The following VPS13B variants were observed in gnomAD, a reference collection of about 807,000 sequenced individuals.
VPS13B encodes the protein intermembrane lipid transfer protein VPS13B.
VPS13B carries 285 observed loss-of-function variants against 426.4 expected under a neutral mutation model. The ratio of observed to expected loss-of-function variants is 0.67; its 90% CI spans 0.61 to 0.74. The LOEUF (loss-of-function observed/expected upper bound fraction) is 0.74, where lower values mean the gene tolerates loss of function less well. Among genes scored for constraint, VPS13B ranks in the 30% least tolerant of loss-of-function variants. The pLI, the probability that VPS13B is intolerant of heterozygous loss-of-function variation, is 0.00. For synonymous variants in VPS13B, 1,676 were observed against 1,676.4 expected, an observed-to-expected ratio of 1.00 and a Z score of 0.01; for missense variants, 4,537 against 4,782.6, an observed-to-expected ratio of 0.95 and a Z score of 1.51.
At chr8:99,847,296 A>C (rs1563505714) in intron 54 of VPS13B, among the ~76,000 whole-genome samples, 1 of 152,244 alleles carries the variant, frequency 6.6e-6, no homozygotes, top group Non-Finnish European at 1.5e-5. Context: ...AGAGATTTAC[A>C]ATCTAATAAT....
At chr8:99,552,794 A>G (rs533143929) in intron 30 of VPS13B, among the ~76,000 whole-genome samples, 18 of 152,268 alleles carry the variant, frequency 1.2e-4, no homozygotes, top group Non-Finnish European at 2.6e-4. Context: ...ACTATAGTAC[A>G]ATATCAAGAC....
chr8:99,729,698 G>C (rs1054041705), intron 39 of VPS13B, among the ~76,000 whole-genome samples: 4 of 152,136 alleles, frequency 2.6e-5, no homozygotes, highest in Non-Finnish European at 4.4e-5. Flanking sequence ...TAGCTTGATG[G>C]TGATTTCATT....
chr8:99,170,067 C>T lies in VPS13B; in HGVS notation c.2237C>T (p.Ser746Phe). Reference sequence around the variant, plus strand: ...TTTGGTTTCCAGGCAGGACTGACGTCTTTGGATTGCAGTGGATCTTACTGC... The same window carrying T: ...TTTGGTTTCCAGGCAGGACTGACGTTTTTGGATTGCAGTGGATCTTACTGC... ...KIFGFQAGLTSLDCSGSYCLP... is the reference protein window; with the variant it reads ...KIFGFQAGLTFLDCSGSYCLP... Residue 746 changes from serine (S) to phenylalanine (F), a missense_variant, in exon 16 of 62, where the codon TCT (serine) becomes TTT (phenylalanine). By Grantham distance (155) the Ser-to-Phe change is radical. Coordinates refer to ENST00000357162, the MANE Select transcript of VPS13B (RefSeq NM_152564.5). The T allele has an allele frequency of 6.2e-7, 1 of 1,612,938 alleles. No homozygotes were observed. The highest frequency in any genetic ancestry group is 1.7e-4 in the Middle Eastern group (1 of 6,058).
intron 43 of VPS13B, among the ~76,000 whole-genome samples, chr8:99,806,813 C>T (rs796519174): frequency 4.6e-5 from 7 of 152,264 alleles, no homozygotes; most frequent in African/African-American, 1.7e-4. Flanking sequence ...CCAACAAGAA[C>T]AAAACCTCTC....
At chr8:99,749,541 T>A (rs1810285677) in intron 39 of VPS13B, among the ~76,000 whole-genome samples, 1 of 152,046 alleles carries the variant, frequency 6.6e-6, no homozygotes, top group Non-Finnish European at 1.5e-5. Flanking sequence ...TGTCCTCCGG[T>A]TCCATCTATG....
chr8:99,500,206 A>C (rs985172662), intron 25 of VPS13B, among the ~76,000 whole-genome samples: 2 of 152,132 alleles, frequency 1.3e-5, no homozygotes, highest in East Asian at 1.9e-4. Context: ...TTTTGTTCTG[A>C]CAGTTAACTA....
intron 17 of VPS13B, among the ~76,000 whole-genome samples, chr8:99,206,514 G>A (rs117250643): frequency 6.6e-6 from 1 of 152,166 alleles, no homozygotes; most frequent in South Asian, 2.1e-4. Context: ...GGATCATGTC[G>A]TTCTGTATGT....
rs113985673 is a variant in VPS13B at position 99,613,768 on chromosome 8, T to C, written c.5221-28043T>C. On this transcript the variant is annotated intron_variant, in intron 33 of 61. Coordinates refer to ENST00000357162, the MANE Select transcript of VPS13B (RefSeq NM_152564.5). ...CAATATATATACTCTGAACAGACCA[T>C]TTAAAAATAGAAGAAGAAGAAGAAG... 3.9e-3 allele frequency: 592 copies of C among 152,326 alleles called. 5 individuals carry two copies. The highest frequency in any genetic ancestry group is 0.013 in the African/African-American group (526 of 41,560). The allele number at this position is 152,326 out of a possible 1,614,324, so 9.4% of individuals were successfully genotyped here.
chr8:99,541,369 T>C (rs2133726782), intron 30 of VPS13B, among the ~76,000 whole-genome samples: 1 of 152,260 alleles, frequency 6.6e-6, no homozygotes, highest in East Asian at 1.9e-4. Flanking sequence ...GGATTACACG[T>C]GCTGGACATG....
At chr8:99,528,325 A>G (rs1238522180) in intron 30 of VPS13B, among the ~76,000 whole-genome samples, 1 of 152,088 alleles carries the variant, frequency 6.6e-6, no homozygotes, top group Non-Finnish European at 1.5e-5. Context: ...CTTCCTTTGC[A>G]TGCATTCATT....
At position 99,013,775 on chromosome 8, in the gene VPS13B, C is replaced by A; in HGVS notation, c.-14C>A. ...CTCCTTTCAGCTTCCGACTTCGACT[C>A]CTTACCTTAAAAGATGCTGGAGTCA... On this transcript the variant is annotated 5_prime_UTR_variant, in exon 2 of 62. Transcript: ENST00000357162. The A allele has an allele frequency of 6.2e-7, 1 of 1,614,092 alleles. No homozygotes were observed.
intron 6 of VPS13B, among the ~76,000 whole-genome samples, chr8:99,114,042 A>G (rs1847520195): frequency 6.6e-6 from 1 of 152,040 alleles, no homozygotes; most frequent in African/African-American, 2.4e-5. Context: ...CTGTTTTTAG[A>G]AATTTACTTT....
At chr8:99,552,766 A>G (rs1824350245) in intron 30 of VPS13B, among the ~76,000 whole-genome samples, 1 of 152,100 alleles carries the variant, frequency 6.6e-6, no homozygotes, top group African/African-American at 2.4e-5. Context: ...GTTTCCCTCA[A>G]TGGAAACGTC....
At chr8:99,631,473 A>G (rs949885522) in intron 33 of VPS13B, among the ~76,000 whole-genome samples, 2 of 152,072 alleles carry the variant, frequency 1.3e-5, no homozygotes, top group African/African-American at 2.4e-5. Context: ...TCATGCCCCT[A>G]TGGGAATATC....
At chr8:99,205,861 A>C (rs1814686225) in intron 17 of VPS13B, among the ~76,000 whole-genome samples, 1 of 152,210 alleles carries the variant, frequency 6.6e-6, no homozygotes, top group Non-Finnish European at 1.5e-5. Flanking sequence ...TGTCTGCAAT[A>C]CCAAACTATC....
chr8:99,315,869 G>A (rs1809623774), intron 19 of VPS13B, among the ~76,000 whole-genome samples: 1 of 152,066 alleles, frequency 6.6e-6, no homozygotes, highest in Admixed American at 6.6e-5. Context: ...ATATTTCTTT[G>A]CCTTTTGTAT....
intron 43 of VPS13B, among the ~76,000 whole-genome samples, chr8:99,785,234 A>G (rs569697070): frequency 6.6e-6 from 1 of 152,308 alleles, no homozygotes; most frequent in East Asian, 1.9e-4. Flanking sequence ...ACTCTCGAGA[A>G]TAATGTATTT....
chr8:99,024,701 T>C (rs1842051953), intron 2 of VPS13B, among the ~76,000 whole-genome samples: 1 of 152,250 alleles, frequency 6.6e-6, no homozygotes, highest in African/African-American at 2.4e-5. Flanking sequence ...TTGATTACTA[T>C]AGCTTTGTAG....
chr8:99,298,075 A>T (rs935937762), intron 19 of VPS13B, among the ~76,000 whole-genome samples: 3 of 152,244 alleles, frequency 2.0e-5, no homozygotes, highest in Admixed American at 6.5e-5. Flanking sequence ...CTTGATAAAC[A>T]TTGTCAAAAG....
Sources: gnomAD v4.1 joint callset for allele counts (sites outside exome capture counted in the v4.1 genomes callset) on GRCh38, gnomAD v4.1.1 for gene constraint, MANE v1.5 for transcripts, NCBI Gene and HGNC (gene_info 2026-07-23, HGNC 2026-07-21) for gene names.